The following ENOX1 variants were observed in gnomAD, a reference collection of about 807,000 sequenced individuals.
ENOX1 encodes the protein ecto-NOX disulfide-thiol exchanger 1.
A neutral mutation model predicts 82.5 loss-of-function variants in ENOX1; 42 were observed. The ratio of observed to expected loss-of-function variants is 0.51; its 90% CI spans 0.40 to 0.66. ENOX1 has a LOEUF of 0.66. ENOX1 is among the 30% of genes least tolerant of loss of function. ENOX1 has a pLI of 0.00. For missense variants in ENOX1, 608 were observed against 811.6 expected (o/e 0.75, Z 3.05); for synonymous variants, 271 against 282.2 (o/e 0.96, Z 0.40).
At chr13:43,609,912 C>A (rs892793598) in intron 2 of ENOX1, 36 of 982,102 alleles carry the variant, frequency 3.7e-5, no homozygotes, top group Non-Finnish European at 3.7e-5. Flanking sequence ...TTTCCATCTT[C>A]TGTCCATCTG....
intron 15 of ENOX1, among the ~76,000 whole-genome samples, chr13:43,224,851 G>A (rs949992139): frequency 1.3e-5 from 2 of 152,196 alleles, no homozygotes; most frequent in East Asian, 3.9e-4. Context: ...TGAAAAGCTG[G>A]ACGTTGAAGT....
intron 5 of ENOX1, among the ~76,000 whole-genome samples, chr13:43,400,401 A>G (rs1048958912): frequency 6.6e-6 from 1 of 152,228 alleles, no homozygotes; most frequent in African/African-American, 2.4e-5. Flanking sequence ...TGGACTTCCC[A>G]TGCAGGATGT....
At chr13:43,377,816 C>T (rs1435497361) in intron 5 of ENOX1, among the ~76,000 whole-genome samples, 4 of 152,094 alleles carry the variant, frequency 2.6e-5, no homozygotes, top group Non-Finnish European at 5.9e-5. Flanking sequence ...TTTGTCTCAC[C>T]AGAGCTGTCA....
chr13:43,424,990 T>C (rs1398017823), intron 3 of ENOX1, among the ~76,000 whole-genome samples: 1 of 152,092 alleles, frequency 6.6e-6, no homozygotes, highest in Non-Finnish European at 1.5e-5. Flanking sequence ...GTGCTGCTGG[T>C]TATATCCAGC....
At chr13:43,237,260 A>G (rs2042592684) in intron 14 of ENOX1, among the ~76,000 whole-genome samples, 1 of 152,224 alleles carries the variant, frequency 6.6e-6, no homozygotes. Context: ...AGCTTGGTAA[A>G]TTCTTTTTTT....
rs9590766 is a variant in ENOX1 at position 43,473,132 on chromosome 13, C to T, written c.-75+10877G>A. Among the ~76,000 whole-genome samples, 6 of 152,000 alleles carry T rather than the reference C, an allele frequency of 3.9e-5. No individual in the cohort carries two copies. In the East Asian group the frequency reaches 1.2e-3, roughly 29 times the overall value. ...CCAAGCAAGTGGAATTTCTTCACAT[C>T]GTCTCTCAATTTAGTAATCTTTCTG... On this transcript the variant is annotated intron_variant, in intron 3 of 16. Transcript: ENST00000690772.
intron 1 of ENOX1, among the ~76,000 whole-genome samples, chr13:43,705,326 C>CTATA (rs201089545): frequency 0.096 from 3,502 of 36,550 alleles, 50 homozygotes; most frequent in South Asian, 0.19. Context: ...CTCTCTCTCT[C>CTATA]TCTCTATATA....
chr13:43,725,802 CAA>C (rs753589184), intron 1 of ENOX1, among the ~76,000 whole-genome samples: 20 of 97,278 alleles, frequency 2.1e-4, no homozygotes, highest in Admixed American at 2.2e-4. Context: ...CTCGTCTCTA[CAA>C]AAAAAAAAAA....
chr13:43,610,876 A>G (rs745563761), intron 2 of ENOX1, among the ~76,000 whole-genome samples: 1 of 152,160 alleles, frequency 6.6e-6, no homozygotes, highest in South Asian at 2.1e-4. Context: ...AAATATACCT[A>G]TGTAAAATAC....
chr13:43,551,603 A>C (rs961774652), intron 2 of ENOX1, among the ~76,000 whole-genome samples: 2 of 152,228 alleles, frequency 1.3e-5, no homozygotes, highest in Non-Finnish European at 2.9e-5. Context: ...TGGGCTTCAT[A>C]AGCTGCAACA....
chr13:43,289,967 G>A (rs1321392769), intron 12 of ENOX1, among the ~76,000 whole-genome samples: 2 of 149,028 alleles, frequency 1.3e-5, no homozygotes, highest in Non-Finnish European at 3.0e-5. Flanking sequence ...ACAAACATAT[G>A]AAAAAATGCT....
chr13:43,224,380 A>G (rs929817356), intron 15 of ENOX1, among the ~76,000 whole-genome samples: 1 of 152,244 alleles, frequency 6.6e-6, no homozygotes, highest in Non-Finnish European at 1.5e-5. Flanking sequence ...GAGATAATAT[A>G]CAGCTGAATA....
intron 16 of ENOX1, among the ~76,000 whole-genome samples, chr13:43,218,125 G>GTAAT (rs2041587704): frequency 6.6e-6 from 1 of 152,200 alleles, no homozygotes; most frequent in African/African-American, 2.4e-5. Context: ...TGAAATCCTC[G>GTAAT]TAATTACTTA....
chr13:43,785,132 G>T (rs2153858222), intron 1 of ENOX1, among the ~76,000 whole-genome samples: 1 of 152,302 alleles, frequency 6.6e-6, no homozygotes, highest in African/African-American at 2.4e-5. Flanking sequence ...ACTGGAATGA[G>T]CAATATCCAT....
intron 2 of ENOX1, among the ~76,000 whole-genome samples, chr13:43,604,031 A>C (rs2081866865): frequency 6.7e-6 from 1 of 149,468 alleles, no homozygotes; most frequent in Non-Finnish European, 1.5e-5. Context: ...CTATTTCTCC[A>C]CATCCTCTCC....
chr13:43,765,158 T>G (rs768524699), intron 1 of ENOX1, among the ~76,000 whole-genome samples: 1 of 152,130 alleles, frequency 6.6e-6, no homozygotes, highest in South Asian at 2.1e-4. Context: ...TTCCTCAACA[T>G]GGCATATATA....
intron 2 of ENOX1, among the ~76,000 whole-genome samples, chr13:43,517,216 G>C (rs768605841): frequency 1.3e-5 from 2 of 152,104 alleles, no homozygotes; most frequent in Non-Finnish European, 2.9e-5. Context: ...ATGTCCTTAG[G>C]CTGGGTGTGG....
At chr13:43,479,945 T>TTA (rs1566336260) in intron 3 of ENOX1, among the ~76,000 whole-genome samples, 1 of 151,690 alleles carries the variant, frequency 6.6e-6, no homozygotes, top group Non-Finnish European at 1.5e-5. Context: ...TTTTATTTTT[T>TTA]TTTTTTTGAG....
At chr13:43,604,450 C>T (rs1238639217) in intron 2 of ENOX1, among the ~76,000 whole-genome samples, 1 of 152,136 alleles carries the variant, frequency 6.6e-6, no homozygotes, top group East Asian at 1.9e-4. Context: ...CAGTGCAATA[C>T]TAGCTGTTGG....
Sources: gnomAD v4.1 joint callset for allele counts (sites outside exome capture counted in the v4.1 genomes callset) on GRCh38, gnomAD v4.1.1 for gene constraint, MANE v1.5 for transcripts, NCBI Gene and HGNC (gene_info 2026-07-23, HGNC 2026-07-21) for gene names.